KIF1B: variants seen among roughly 807,000 people sequenced by gnomAD.
The protein encoded by KIF1B is kinesin family member 1B.
A neutral mutation model predicts 241.9 loss-of-function variants in KIF1B; 76 were observed. The ratio of observed to expected loss-of-function variants is 0.31; its 90% CI spans 0.26 to 0.38. The LOEUF is 0.38. Among genes scored for constraint, KIF1B ranks in the 10% least tolerant of loss-of-function variants. The pLI, the probability that KIF1B is intolerant of heterozygous loss-of-function variation, is 1.00. For synonymous variants in KIF1B, 750 were observed against 796.7 expected, an observed-to-expected ratio of 0.94 and a Z score of 0.99; for missense variants, 1,622 against 2,271.4, an observed-to-expected ratio of 0.71 and a Z score of 5.81.
chr1:10,218,055 G>A (rs984372486), intron 1 of KIF1B, among the ~76,000 whole-genome samples: 7 of 151,982 alleles, frequency 4.6e-5, no homozygotes, highest in Non-Finnish European at 7.4e-5. Flanking sequence ...TCCCTCCTTC[G>A]TTTCTGTTCC....
chr1:10,300,379 G>A (rs1414661767), intron 22 of KIF1B, among the ~76,000 whole-genome samples: 3 of 151,522 alleles, frequency 2.0e-5, no homozygotes, highest in East Asian at 1.9e-4. Flanking sequence ...TGATACATTT[G>A]AACTTTAAAG....
chr1:10,364,872 G>C (rs1216070200), intron 41 of KIF1B, among the ~76,000 whole-genome samples: 1 of 151,872 alleles, frequency 6.6e-6, no homozygotes, highest in Admixed American at 6.6e-5. Flanking sequence ...TGGGCATGGT[G>C]GCGGGCACCT....
rs2102222233 is a variant in KIF1B, at chr1:10,276,327, A to G, written c.965A>G (p.Asn322Ser). 2 of 1,613,432 alleles carry G rather than the reference A, an allele frequency of 1.2e-6. No homozygotes were observed. The highest frequency in any genetic ancestry group is 1.7e-6 in the Non-Finnish European group (2 of 1,179,400). The change falls in exon 12 of 49, where the codon AAT becomes AGT. Residue 322 changes from asparagine to serine, a missense_variant. Coordinates refer to ENST00000676179, the MANE Select transcript of KIF1B (RefSeq NM_001365951.3). ...TCATGATTAATCTTTTTAGGTGGCA[A>G]TTCTCGGACTGCAATGGTTGCTGCT... ...TWLLRENLGG[N>S]SRTAMVAALS...
At chr1:10,264,343 G>C (rs1041515686) in intron 5 of KIF1B, among the ~76,000 whole-genome samples, 1 of 152,212 alleles carries the variant, frequency 6.6e-6, no homozygotes, top group Non-Finnish European at 1.5e-5. Context: ...GATCTGCCAG[G>C]TGGCATCTGG....
chr1:10,352,599 C>A (rs1432427630), intron 37 of KIF1B, 32 bp from the exon 38 acceptor site: 3 of 1,545,670 alleles, frequency 1.9e-6, no homozygotes, highest in Non-Finnish European at 2.7e-6. Context: ...TCAAATGTGT[C>A]CGTGCTCTGT....
chr1:10,215,161 TA>T (rs1557640144), intron 1 of KIF1B, among the ~76,000 whole-genome samples: 1,044 of 72,008 alleles, frequency 0.014, 12 homozygotes, highest in African/African-American at 0.033. Context: ...TATATATATA[TA>T]TATATATATA....
At chr1:10,299,619 C>T (rs1205082770) in intron 22 of KIF1B, among the ~76,000 whole-genome samples, 2 of 152,306 alleles carry the variant, frequency 1.3e-5, no homozygotes, top group South Asian at 2.1e-4. Flanking sequence ...TATGTAATCA[C>T]TTTTTGCATA....
At chr1:10,221,539 T>G (rs1418772432) in intron 1 of KIF1B, among the ~76,000 whole-genome samples, 1 of 152,156 alleles carries the variant, frequency 6.6e-6, no homozygotes, top group East Asian at 1.9e-4. Context: ...GGGGGCCATT[T>G]TATCAGTATA....
At chr1:10,215,617 C>G (rs1394204293) in intron 1 of KIF1B, among the ~76,000 whole-genome samples, 2 of 152,114 alleles carry the variant, frequency 1.3e-5, no homozygotes, top group African/African-American at 4.8e-5. Flanking sequence ...GCAGTCATGG[C>G]TCACTGCAGC....
At chr1:10,300,267 T>TAATAATAATAATAAA in intron 22 of KIF1B, among the ~76,000 whole-genome samples, 1 of 148,478 alleles carries the variant, frequency 6.7e-6, no homozygotes, top group South Asian at 2.1e-4. Context: ...ATAATAATAA[T>TAATAATAATAATAAA]ATAGATAAAT....
Position 10,365,853 on chromosome 1 carries a change from T to C in KIF1B, c.4752+205T>C, listed in dbSNP as rs565220192. On this transcript the variant is annotated intron_variant, in intron 43 of 48. Transcript: ENST00000676179. The surrounding 1 kb of genome is among the most constrained non-coding windows in gnomAD (Gnocchi z 4.0). ...GCCTGATGCCTATTATCCCACCACT[T>C]TGGGAGGCTGAAGCAAAGGGATTGC... Among the ~76,000 whole-genome samples the C allele has an allele frequency of 2.6e-5, 4 of 152,188 alleles. No homozygotes were observed. Among genetic ancestry groups the C allele is most frequent in the Non-Finnish European group, 5.9e-5 (4 of 68,030 alleles).
At chr1:10,308,510 T>C (rs1650935578) in intron 22 of KIF1B, 2 of 1,030,604 alleles carry the variant, frequency 1.9e-6, no homozygotes, top group African/African-American at 1.7e-5. Flanking sequence ...TCTTTGAGTG[T>C]AAGATCTGCC....
intron 22 of KIF1B, among the ~76,000 whole-genome samples, chr1:10,313,061 T>G (rs1651135816): frequency 6.6e-6 from 1 of 151,404 alleles, no homozygotes. Flanking sequence ...TTTTTTGTTT[T>G]GTTTTGTTTT....
At chr1:10,300,184 C>T (rs997028384) in intron 22 of KIF1B, among the ~76,000 whole-genome samples, 1 of 150,278 alleles carries the variant, frequency 6.7e-6, no homozygotes, top group Non-Finnish European at 1.5e-5. Flanking sequence ...TTGCAGTGAG[C>T]CAAGATCGCG....
At chr1:10,324,445 AT>A (rs1651646593) in intron 25 of KIF1B, among the ~76,000 whole-genome samples, 1 of 152,108 alleles carries the variant, frequency 6.6e-6, no homozygotes, top group African/African-American at 2.4e-5. Flanking sequence ...ATAATGAGGT[AT>A]TTCCCCCGTC....
intron 27 of KIF1B, among the ~76,000 whole-genome samples, chr1:10,331,371 C>T (rs1651915589): frequency 6.6e-6 from 1 of 152,156 alleles, no homozygotes; most frequent in Admixed American, 6.5e-5. Flanking sequence ...TAGAACTTTT[C>T]ATTCTTACGT....
Position 10,348,713 on chromosome 1 carries a change from A to G in KIF1B, c.3929A>G (p.Asp1310Gly). Reference sequence around the variant, plus strand: ...AAGGGGAGCGAGCTCCATTGGAAAGATGTTCGTGAACTGGTGGTAGGTGAG... The same window carrying G: ...AAGGGGAGCGAGCTCCATTGGAAAGGTGTTCGTGAACTGGTGGTAGGTGAG... ...HEKGSELHWK[D>G]VRELVVGRIR... The change falls in exon 37 of 49, where the codon GAT (aspartate) becomes GGT (glycine). Residue 1310 changes from aspartate to glycine, a missense_variant. By Grantham distance (94) the Asp-to-Gly change is moderately conservative. Coordinates refer to ENST00000676179, the MANE Select transcript of KIF1B (RefSeq NM_001365951.3). 1 of 1,613,952 alleles carries G rather than the reference A, an allele frequency of 6.2e-7. No homozygotes were observed. The highest frequency in any genetic ancestry group is 8.5e-7 in the Non-Finnish European group (1 of 1,179,850).
chr1:10,245,492 G>A (rs1647197706), intron 2 of KIF1B, among the ~76,000 whole-genome samples: 1 of 152,132 alleles, frequency 6.6e-6, no homozygotes, highest in African/African-American at 2.4e-5. Context: ...TAAGGTTAGT[G>A]TTGGCTACAC....
intron 26 of KIF1B, among the ~76,000 whole-genome samples, chr1:10,325,194 T>G (rs1424013440): frequency 6.6e-6 from 1 of 152,230 alleles, no homozygotes; most frequent in Non-Finnish European, 1.5e-5. Flanking sequence ...AAAGAAAACT[T>G]ACGCCTGTAT....
Sources: gnomAD v4.1 joint callset for allele counts (sites outside exome capture counted in the v4.1 genomes callset) on GRCh38, gnomAD v4.1.1 for gene constraint, Gnocchi (gnomAD v3.1) non-coding constraint, MANE v1.5 for transcripts, NCBI Gene and HGNC (gene_info 2026-07-23, HGNC 2026-07-21) for gene names.